The following TJP2 variants were observed in gnomAD, a reference collection of about 807,000 sequenced individuals.
TJP2 encodes the protein tight junction protein 2.
In TJP2, 91 loss-of-function variants were observed where a neutral mutation model predicts 133.1. The ratio of observed to expected loss-of-function variants is 0.68; its 90% CI spans 0.58 to 0.81. The LOEUF is 0.81. Among genes scored for constraint, TJP2 ranks in the 40% least tolerant of loss-of-function variants. The probability of loss-of-function intolerance (pLI) is 0.00; values close to 1 mark genes in which losing one functional copy is unlikely to be tolerated. For synonymous variants in TJP2, 592 were observed against 583.4 expected (o/e 1.01, Z -0.21); for missense variants, 1,541 against 1,565.6 (o/e 0.98, Z 0.26).
intron 18 of TJP2, 130 bp from the exon 19 acceptor site, chr9:69,247,882 T>G: frequency 2.2e-6 from 2 of 905,640 alleles, no homozygotes; most frequent in South Asian, 2.1e-5. Flanking sequence ...GGGAGAAAAA[T>G]AAAAGATGCC....
At chr9:69,194,998 C>G (rs757247569) in intron 1 of TJP2, among the ~76,000 whole-genome samples, 1 of 152,200 alleles carries the variant, frequency 6.6e-6, no homozygotes, top group Admixed American at 6.5e-5. Flanking sequence ...TCCCTCTTTT[C>G]TGTGGGAACC....
chr9:69,147,423 G>GC (rs1823260022), intron 1 of TJP2, among the ~76,000 whole-genome samples: 1 of 152,184 alleles, frequency 6.6e-6, no homozygotes, highest in Admixed American at 6.5e-5. Context: ...GGAGATGCAA[G>GC]CCGTGGCCTA....
chr9:69,242,829 G>A (rs182847823), intron 17 of TJP2, among the ~76,000 whole-genome samples: 1 of 152,280 alleles, frequency 6.6e-6, no homozygotes, highest in Non-Finnish European at 1.5e-5. Context: ...CTTTACATTT[G>A]AGCAGTAGAA....
chr9:69,229,920 T>G (rs1829642031), intron 10 of TJP2, among the ~76,000 whole-genome samples, 162 bp from the exon 11 acceptor site: 1 of 152,180 alleles, frequency 6.6e-6, no homozygotes, highest in South Asian at 2.1e-4. Context: ...CCAAGAAAGA[T>G]AAAATTGTAG....
At chr9:69,233,708 C>T (rs1397213406) in intron 11 of TJP2, among the ~76,000 whole-genome samples, 4 of 152,000 alleles carry the variant, frequency 2.6e-5, no homozygotes, top group East Asian at 3.9e-4. Context: ...ACCCAGGAGG[C>T]GGAGGTTGCA....
chr9:69,142,032 C>T (rs1823039895), intron 1 of TJP2, among the ~76,000 whole-genome samples: 1 of 152,164 alleles, frequency 6.6e-6, no homozygotes, highest in Non-Finnish European at 1.5e-5. Flanking sequence ...AAGTCTTTCC[C>T]CTGTGTCATG....
In TJP2 at chr9:69,200,902, C is replaced by T. The variant is rs1185665384; in HGVS notation, c.61-11646C>T. 2.0e-5 allele frequency among the ~76,000 whole-genome samples: 3 copies of T among 152,134 alleles called. No individual in the cohort carries two copies. The East Asian group carries it at 5.8e-4, about 29-fold the overall frequency. On this transcript the variant is annotated intron_variant, in intron 1 of 22. Transcript: ENST00000377245. ...GCCATCCCATGGCACTTATTACTAC[C>T]TGAGATGATGATATATATTGACTCT...
intron 1 of TJP2, among the ~76,000 whole-genome samples, chr9:69,187,277 T>C (rs1825919286): frequency 1.3e-5 from 2 of 152,136 alleles, no homozygotes; most frequent in South Asian, 2.1e-4. Context: ...TTGAGTGTGA[T>C]TGGATGATTA....
At chr9:69,133,806 C>A (rs1250244843) in intron 1 of TJP2, among the ~76,000 whole-genome samples, 1 of 152,146 alleles carries the variant, frequency 6.6e-6, no homozygotes, top group East Asian at 1.9e-4. Flanking sequence ...CTGCCTCAGC[C>A]TCCCAACGTG....
At chr9:69,177,094 T>C (rs1825151998) in intron 1 of TJP2, among the ~76,000 whole-genome samples, 1 of 152,204 alleles carries the variant, frequency 6.6e-6, no homozygotes, top group African/African-American at 2.4e-5. Context: ...CATTAAGCAG[T>C]TGTGGCTACA....
intron 1 of TJP2, among the ~76,000 whole-genome samples, chr9:69,197,566 C>A (rs889477645): frequency 2.6e-5 from 4 of 152,136 alleles, no homozygotes; most frequent in Non-Finnish European, 1.5e-5. Context: ...AGAAAACAGA[C>A]TTTCTTACTT....
intron 3 of TJP2, among the ~76,000 whole-genome samples, chr9:69,217,677 C>G (rs542917312): frequency 2.4e-4 from 37 of 152,200 alleles, no homozygotes; most frequent in African/African-American, 8.4e-4. Context: ...GAGAGGGAAA[C>G]CATGCCTCTT....
chr9:69,247,780 T>A (rs1481684368), intron 18 of TJP2, among the ~76,000 whole-genome samples: 4 of 152,130 alleles, frequency 2.6e-5, no homozygotes, highest in Non-Finnish European at 5.9e-5. Context: ...GGAGGATGGA[T>A]GGTAGCACAG....
intron 1 of TJP2, among the ~76,000 whole-genome samples, chr9:69,208,751 T>G (rs1827627266): frequency 6.6e-6 from 1 of 152,216 alleles, no homozygotes; most frequent in Admixed American, 6.5e-5. Context: ...TGGGGATGAT[T>G]GTCATAGTCC....
intron 4 of TJP2, 31 bp downstream of exon 4, chr9:69,218,390 T>A: frequency 6.3e-7 from 1 of 1,582,646 alleles, no homozygotes; most frequent in Non-Finnish European, 8.7e-7. Flanking sequence ...CAGCTTGCCT[T>A]AATAGCATTT....
rs751624638 is a variant in TJP2, at chr9:69,221,255, T to C, written c.711T>C (p.Arg237=). 6.2e-7 allele frequency: 1 copy of C among 1,607,946 alleles called. No homozygotes were observed. Among genetic ancestry groups the C allele is most frequent in the Non-Finnish European group, 8.5e-7 (1 of 1,177,732 alleles). The change falls in exon 5 of 23, where the codon CGT becomes CGC. Residue 237 remains arginine, a synonymous_variant. Coordinates refer to ENST00000377245, the MANE Select transcript of TJP2 (RefSeq NM_004817.4). ...TTGGGCCATCCCGGGACCGGGACCG[T>C]GACCGCAGCCGCGGCCGGAGCATTG... ...HDFGPSRDRD[R]DRSRGRSIDQ...
intron 1 of TJP2, among the ~76,000 whole-genome samples, chr9:69,193,112 C>T (rs1826317048): frequency 1.3e-5 from 2 of 151,994 alleles, no homozygotes; most frequent in Admixed American, 6.6e-5. Flanking sequence ...GACAGGGTTT[C>T]ACCATGTTGC....
At chr9:69,246,589 T>C (rs1490630678) in intron 17 of TJP2, 101 bp from the exon 18 acceptor site, 2 of 1,011,422 alleles carry the variant, frequency 2.0e-6, no homozygotes, top group African/African-American at 3.2e-5. Context: ...TCTGCCATAG[T>C]CTTAAATATC....
chr9:69,156,304 C>G (rs986660912), intron 2 of TJP2, among the ~76,000 whole-genome samples: 3 of 152,028 alleles, frequency 2.0e-5, no homozygotes, highest in African/African-American at 7.3e-5. Flanking sequence ...GCAGAGGTTG[C>G]GGTGAGCTGA....
Sources: allele counts gnomAD v4.1 joint callset (sites outside exome capture counted in the v4.1 genomes callset), GRCh38; gene constraint gnomAD v4.1.1; transcripts MANE v1.5; gene names NCBI Gene and HGNC (gene_info 2026-07-23, HGNC 2026-07-21).